AFG1L: variants seen among roughly 807,000 people sequenced by gnomAD.
AFG1L encodes AFG1-like ATPase.
A neutral mutation model predicts 62.2 loss-of-function variants in AFG1L; 53 were observed. That is an observed-to-expected ratio of 0.85 (90% CI 0.68 to 1.07). The LOEUF is 1.07. Among genes scored for constraint, AFG1L ranks in the 50% least tolerant of loss-of-function variants. The pLI, the probability that AFG1L is intolerant of heterozygous loss-of-function variation, is 0.00. For synonymous variants in AFG1L, 228 were observed against 210.3 expected (o/e 1.08, Z -0.73); for missense variants, 555 against 590.5 (o/e 0.94, Z 0.62).
chr6:108,390,539 C>T (rs1241597595), intron 6 of AFG1L, among the ~76,000 whole-genome samples: 6 of 152,012 alleles, frequency 3.9e-5, no homozygotes, highest in South Asian at 2.1e-4. Flanking sequence ...TTACAGATGG[C>T]GTTTTGGTGT....
At chr6:108,361,886 T>A (rs6929670) in intron 5 of AFG1L, among the ~76,000 whole-genome samples, 1 of 152,248 alleles carries the variant, frequency 6.6e-6, no homozygotes, top group African/African-American at 2.4e-5. Flanking sequence ...TAACATATTA[T>A]ATGTAATTTA....
At chr6:108,498,045 G>T (rs1178153799) in intron 10 of AFG1L, among the ~76,000 whole-genome samples, 1 of 152,150 alleles carries the variant, frequency 6.6e-6, no homozygotes, top group Non-Finnish European at 1.5e-5. Context: ...GGGGCCAGCT[G>T]GCTGTATGCA....
intron 2 of AFG1L, among the ~76,000 whole-genome samples, chr6:108,329,321 C>G (rs1022442248): frequency 2.0e-5 from 3 of 151,416 alleles, no homozygotes; most frequent in Non-Finnish European, 2.9e-5. Flanking sequence ...TTTTTTGAGA[C>G]AGAGTCTCAC....
chr6:108,512,460 T>G (rs1263114867), intron 11 of AFG1L, among the ~76,000 whole-genome samples: 1 of 152,066 alleles, frequency 6.6e-6, no homozygotes, highest in African/African-American at 2.4e-5. Flanking sequence ...GTGGTGGCCT[T>G]CCACAGACTC....
intron 10 of AFG1L, among the ~76,000 whole-genome samples, chr6:108,506,136 A>C (rs949038157): frequency 2.6e-5 from 4 of 152,176 alleles, no homozygotes; most frequent in African/African-American, 9.7e-5. Context: ...ACAGACACCA[A>C]ATCTGCAGAT....
At chr6:108,325,644 C>G (rs1257102838) in intron 2 of AFG1L, among the ~76,000 whole-genome samples, 1 of 151,972 alleles carries the variant, frequency 6.6e-6, no homozygotes, top group Non-Finnish European at 1.5e-5. Context: ...CACCACCACA[C>G]CTAGCTAATT....
At chr6:108,459,230 A>G (rs62428893) in intron 8 of AFG1L, among the ~76,000 whole-genome samples, 2 of 152,166 alleles carry the variant, frequency 1.3e-5, no homozygotes, top group African/African-American at 2.4e-5. Context: ...TTCTGTCTCT[A>G]TATCTTTTTT....
chr6:108,400,567 A>T (rs1274553100), intron 6 of AFG1L, among the ~76,000 whole-genome samples: 1 of 137,586 alleles, frequency 7.3e-6, no homozygotes, highest in Non-Finnish European at 1.5e-5. Flanking sequence ...ATTTATATAA[A>T]TATATATTTA....
At chr6:108,304,904 T>A (rs630515) in intron 1 of AFG1L, among the ~76,000 whole-genome samples, 1 of 152,194 alleles carries the variant, frequency 6.6e-6, no homozygotes, top group Non-Finnish European at 1.5e-5. Flanking sequence ...GACTAGATTG[T>A]GATTTTGGTT....
At chr6:108,413,537 T>C (rs1448811848) in intron 7 of AFG1L, among the ~76,000 whole-genome samples, 2 of 152,054 alleles carry the variant, frequency 1.3e-5, no homozygotes, top group Admixed American at 6.5e-5. Context: ...CCTCAGCAAA[T>C]GTAAAAGAAC....
chr6:108,363,127 A>G (rs915629055), intron 5 of AFG1L, among the ~76,000 whole-genome samples: 3 of 152,154 alleles, frequency 2.0e-5, no homozygotes, highest in African/African-American at 7.2e-5. Context: ...TCTTGAATTT[A>G]AGGAATTTTA....
chr6:108,313,547 ATTTTC>A (rs1747725304), intron 1 of AFG1L, among the ~76,000 whole-genome samples: 1 of 151,692 alleles, frequency 6.6e-6, no homozygotes, highest in Non-Finnish European at 1.5e-5. Context: ...TCTTTTATTT[ATTTTC>A]TTTAAGACAG....
At chr6:108,482,380 GAA>G (rs1185533514) in intron 10 of AFG1L, among the ~76,000 whole-genome samples, 5 of 152,060 alleles carry the variant, frequency 3.3e-5, no homozygotes, top group African/African-American at 9.7e-5. Context: ...CTATTTTTTA[GAA>G]CAGTTTTGGG....
intron 2 of AFG1L, among the ~76,000 whole-genome samples, chr6:108,346,582 G>T (rs1361899499): frequency 2.6e-5 from 4 of 152,042 alleles, no homozygotes; most frequent in African/African-American, 7.2e-5. Context: ...TGCCCAGGCT[G>T]GTCTTGAACT....
intron 8 of AFG1L, among the ~76,000 whole-genome samples, chr6:108,456,715 G>GAATC (rs991790494): frequency 3.9e-5 from 6 of 151,956 alleles, no homozygotes; most frequent in African/African-American, 1.5e-4. Flanking sequence ...CATATAAATG[G>GAATC]AATCACATAA....
chr6:108,428,094 C>T (rs1203544301), intron 7 of AFG1L, among the ~76,000 whole-genome samples: 2 of 151,898 alleles, frequency 1.3e-5, no homozygotes, highest in African/African-American at 4.8e-5. Context: ...TTATACTCAC[C>T]CCTCTATAAC....
intron 8 of AFG1L, among the ~76,000 whole-genome samples, chr6:108,461,292 T>C (rs930353751): frequency 6.6e-6 from 1 of 152,210 alleles, no homozygotes; most frequent in African/African-American, 2.4e-5. Flanking sequence ...TAGTTGGTTC[T>C]CAAAAGTAGA....
In AFG1L at chr6:108,420,091, G is replaced by A. The variant is rs371220793; in HGVS notation, c.807+18037G>A. Among the ~76,000 whole-genome samples the A allele has an allele frequency of 6.6e-5, 10 of 152,240 alleles. 1 individual carries two copies. In the East Asian group the frequency reaches 1.5e-3, roughly 23 times the overall value. Reference sequence around the variant, plus strand: ...TAAATAATCAGAATCAGCCTTTGAGGTCAGTGTCAGTCAGCCTCTATGACC... The same window carrying A: ...TAAATAATCAGAATCAGCCTTTGAGATCAGTGTCAGTCAGCCTCTATGACC... On this transcript the variant is annotated intron_variant, in intron 7 of 12. Coordinates refer to ENST00000368977, the MANE Select transcript of AFG1L (RefSeq NM_145315.5).
intron 1 of AFG1L, among the ~76,000 whole-genome samples, chr6:108,317,333 C>G (rs143305669): frequency 6.6e-6 from 1 of 152,030 alleles, no homozygotes; most frequent in Non-Finnish European, 1.5e-5. Context: ...GACAATTTCA[C>G]GGGCAGGGGG....
Sources: gnomAD v4.1 joint callset for allele counts (sites outside exome capture counted in the v4.1 genomes callset) on GRCh38, gnomAD v4.1.1 for gene constraint, MANE v1.5 for transcripts, NCBI Gene and HGNC (gene_info 2026-07-23, HGNC 2026-07-21) for gene names.